GABRB3: variants seen among roughly 807,000 people sequenced by gnomAD.
The protein encoded by GABRB3 is gamma-aminobutyric acid type A receptor subunit beta3, also known as gamma-aminobutyric acid receptor subunit beta-3.
Under a neutral mutation model 52.1 loss-of-function variants are expected in GABRB3, and 14 were observed. That is an observed-to-expected ratio of 0.27 (90% CI 0.18 to 0.42). The LOEUF is 0.42. Ranked by LOEUF, GABRB3 falls within the 10% of genes least tolerant of loss-of-function variation. The pLI is 1.00. For missense variants in GABRB3, 307 were observed against 609.1 expected, an observed-to-expected ratio of 0.50 and a Z score of 5.22; for synonymous variants, 260 against 232.3, an observed-to-expected ratio of 1.12 and a Z score of -1.08.
chr15:26,629,763 T>C (rs1892861053), intron 3 of GABRB3, among the ~76,000 whole-genome samples: 1 of 152,146 alleles, frequency 6.6e-6, no homozygotes, highest in Admixed American at 6.5e-5. Context: ...ACTACAGTCT[T>C]AGTGGGAGTT....
chr15:26,738,361 G>A (rs890266624), intron 3 of GABRB3, among the ~76,000 whole-genome samples: 2 of 152,118 alleles, frequency 1.3e-5, no homozygotes, highest in Non-Finnish European at 2.9e-5. Flanking sequence ...GGGATTACAG[G>A]CATGAGCCAC....
At chr15:26,642,894 A>C (rs2140575451) in intron 3 of GABRB3, among the ~76,000 whole-genome samples, 1 of 152,228 alleles carries the variant, frequency 6.6e-6, no homozygotes, top group African/African-American at 2.4e-5. Flanking sequence ...CTCAGTCCAC[A>C]GCTTGGGGGT....
At chr15:26,655,620 T>C (rs989623009) in intron 3 of GABRB3, among the ~76,000 whole-genome samples, 2 of 151,926 alleles carry the variant, frequency 1.3e-5, no homozygotes, top group Non-Finnish European at 2.9e-5. Flanking sequence ...CGGGCGCCTG[T>C]AGTCCAGGCT....
chr15:26,716,171 A>G (rs1889459696), intron 3 of GABRB3, among the ~76,000 whole-genome samples: 1 of 152,184 alleles, frequency 6.6e-6, no homozygotes, highest in African/African-American at 2.4e-5. Flanking sequence ...TTTTCTCCTC[A>G]AGGCCCAGAG....
At chr15:26,750,082 C>T (rs1890462315) in intron 3 of GABRB3, 1 of 152,172 alleles carries the variant, frequency 6.6e-6, no homozygotes, top group African/African-American at 2.4e-5. Flanking sequence ...TCTTCGATTT[C>T]TTCTTCCCCT....
chr15:26,560,630 A>G (rs927832256), intron 8 of GABRB3, among the ~76,000 whole-genome samples: 1 of 152,158 alleles, frequency 6.6e-6, no homozygotes, highest in Non-Finnish European at 1.5e-5. Context: ...TGTGCACGGA[A>G]ATGTCAAAAG....
intron 3 of GABRB3, among the ~76,000 whole-genome samples, chr15:26,667,540 G>C (rs1195544890): frequency 2.6e-5 from 4 of 152,114 alleles, no homozygotes; most frequent in Non-Finnish European, 5.9e-5. Context: ...TTCTACAAAA[G>C]GTGTGGTTTA....
intron 3 of GABRB3, among the ~76,000 whole-genome samples, chr15:26,637,948 G>C (rs750882084): frequency 6.6e-6 from 1 of 151,994 alleles, no homozygotes; most frequent in East Asian, 1.9e-4. Flanking sequence ...GGTTACCAAG[G>C]GCAAAAGACC....
intron 3 of GABRB3, among the ~76,000 whole-genome samples, chr15:26,692,908 T>G (rs1888629683): frequency 6.6e-6 from 1 of 152,210 alleles, no homozygotes; most frequent in African/African-American, 2.4e-5. Context: ...TCTTTTCTAT[T>G]GGACAAAAAT....
intron 7 of GABRB3, among the ~76,000 whole-genome samples, chr15:26,565,682 C>T (rs1890141268): frequency 6.6e-6 from 1 of 152,134 alleles, no homozygotes; most frequent in Admixed American, 6.5e-5. Flanking sequence ...CAATACTTTA[C>T]AATTAGGGAG....
At chr15:26,715,169 C>T (rs1354918959) in intron 3 of GABRB3, among the ~76,000 whole-genome samples, 1 of 152,126 alleles carries the variant, frequency 6.6e-6, no homozygotes, top group Non-Finnish European at 1.5e-5. Flanking sequence ...GTCTCTCTCA[C>T]CAGGACCAGC....
At chr15:26,683,709 C>T (rs944821761) in intron 3 of GABRB3, among the ~76,000 whole-genome samples, 3 of 152,104 alleles carry the variant, frequency 2.0e-5, no homozygotes, top group African/African-American at 7.2e-5. Context: ...CCACCACATG[C>T]TCCTAGGGGG....
chr15:26,555,393 T>C (rs561128471), intron 8 of GABRB3, among the ~76,000 whole-genome samples: 1 of 152,266 alleles, frequency 6.6e-6, no homozygotes, highest in South Asian at 2.1e-4. Context: ...AAAATGAATG[T>C]TGACTTGAGT....
intron 8 of GABRB3, among the ~76,000 whole-genome samples, chr15:26,554,187 T>A (rs1399519178): frequency 1.7e-4 from 5 of 30,296 alleles, no homozygotes; most frequent in African/African-American, 6.9e-4. Context: ...TATATATATA[T>A]ATACTATATA....
intron 6 of GABRB3, among the ~76,000 whole-genome samples, chr15:26,576,600 G>C (rs2140721203): frequency 6.6e-6 from 1 of 152,194 alleles, no homozygotes; most frequent in South Asian, 2.1e-4. Context: ...TTTTAATGGA[G>C]AGATAAAAAG....
intron 3 of GABRB3, among the ~76,000 whole-genome samples, chr15:26,723,192 C>G (rs868030675): frequency 1.3e-5 from 2 of 152,198 alleles, no homozygotes; most frequent in African/African-American, 4.8e-5. Context: ...CAGAAGACAT[C>G]TGTCAAACTA....
chr15:26,695,682 G>A (rs8033746), intron 3 of GABRB3, among the ~76,000 whole-genome samples: 80,408 of 151,900 alleles, frequency 0.53, 23,246 homozygotes, highest in East Asian at 0.8. Flanking sequence ...AATAAGTGAT[G>A]GTAAAATAAA....
intron 4 of GABRB3, among the ~76,000 whole-genome samples, chr15:26,609,519 T>C (rs1047080223): frequency 2.0e-5 from 3 of 152,210 alleles, no homozygotes; most frequent in Admixed American, 6.5e-5. Context: ...TCAAAACTCA[T>C]TCCTTTTATT....
chr15:26,730,330 A>G (rs1889874736), intron 3 of GABRB3, among the ~76,000 whole-genome samples: 1 of 150,910 alleles, frequency 6.6e-6, no homozygotes, highest in Non-Finnish European at 1.5e-5. Flanking sequence ...AGGCAGGAGA[A>G]TGGCGTGAAC....
Sources: allele counts gnomAD v4.1 joint callset (sites outside exome capture counted in the v4.1 genomes callset), GRCh38; gene constraint gnomAD v4.1.1; transcripts MANE v1.5; gene names NCBI Gene and HGNC (gene_info 2026-07-23, HGNC 2026-07-21).